The following SLC24A2 variants were observed in gnomAD, a reference collection of about 807,000 sequenced individuals.
SLC24A2 encodes sodium/potassium/calcium exchanger 2.
Under a neutral mutation model 62.0 loss-of-function variants are expected in SLC24A2, and 36 were observed. The ratio of observed to expected loss-of-function variants is 0.58; its 90% CI spans 0.44 to 0.77. SLC24A2 has a LOEUF of 0.77. Among genes scored for constraint, SLC24A2 ranks in the 30% least tolerant of loss-of-function variants. The pLI is 0.00. For missense variants in SLC24A2, 846 were observed against 817.9 expected, an observed-to-expected ratio of 1.03 and a Z score of -0.42; for synonymous variants, 358 against 294.0, an observed-to-expected ratio of 1.22 and a Z score of -2.23.
chr9:19,742,927 G>A (rs1469516030), intron 2 of SLC24A2, among the ~76,000 whole-genome samples: 3 of 152,160 alleles, frequency 2.0e-5, no homozygotes, highest in Non-Finnish European at 4.4e-5. Flanking sequence ...TTTGTTTGGA[G>A]GGAAACAATG....
chr9:19,558,825 G>A (rs1461258428), intron 7 of SLC24A2, among the ~76,000 whole-genome samples: 1 of 152,182 alleles, frequency 6.6e-6, no homozygotes, highest in African/African-American at 2.4e-5. Context: ...AAGGCGGCAT[G>A]TTTTATTTTT....
intron 2 of SLC24A2, among the ~76,000 whole-genome samples, chr9:19,767,147 T>C (rs1398527737): frequency 6.6e-6 from 1 of 152,118 alleles, no homozygotes; most frequent in African/African-American, 2.4e-5. Context: ...CCTCCCCCGA[T>C]CAAGCTCAAG....
At chr9:20,203,221 A>G in the SLC24A2 span, among the ~76,000 whole-genome samples, 1 of 151,914 alleles carries the variant, frequency 6.6e-6, no homozygotes, top group Non-Finnish European at 1.5e-5. Context: ...AATCTCCAGC[A>G]TTTCTGCTTG....
chr9:20,161,122 A>G, the SLC24A2 span, among the ~76,000 whole-genome samples: 12 of 151,552 alleles, frequency 7.9e-5, no homozygotes, highest in South Asian at 1.9e-3. Context: ...CTATACAATT[A>G]AATTTGAAAA....
At chr9:19,784,445 C>T (rs148831325) in intron 2 of SLC24A2, among the ~76,000 whole-genome samples, 1,650 of 152,328 alleles carry the variant, frequency 0.011, 50 homozygotes, top group Admixed American at 0.065. Flanking sequence ...CTCAAAGAGA[C>T]TTTTCAGCAT....
chr9:19,946,636 A>C, the SLC24A2 span, among the ~76,000 whole-genome samples: 1 of 152,224 alleles, frequency 6.6e-6, no homozygotes, highest in African/African-American at 2.4e-5. Flanking sequence ...ACCTGTGCTT[A>C]AGCACAGTGC....
the SLC24A2 span, among the ~76,000 whole-genome samples, chr9:20,301,187 C>T: frequency 3.3e-5 from 5 of 152,182 alleles, no homozygotes; most frequent in South Asian, 1.0e-3. Flanking sequence ...GGCTTCTCAG[C>T]CTTTGGCAGG....
chr9:20,168,071 G>A, the SLC24A2 span, among the ~76,000 whole-genome samples: 1 of 151,716 alleles, frequency 6.6e-6, no homozygotes, highest in South Asian at 2.1e-4. Flanking sequence ...CTCTCAAATG[G>A]TACAGAAAAA....
intron 2 of SLC24A2, among the ~76,000 whole-genome samples, chr9:19,700,444 T>C (rs1820323326): frequency 6.6e-6 from 1 of 152,218 alleles, no homozygotes; most frequent in African/African-American, 2.4e-5. Flanking sequence ...TTTGTTTTTT[T>C]GATATGTTAA....
At chr9:19,727,581 T>C (rs1468095261) in intron 2 of SLC24A2, among the ~76,000 whole-genome samples, 2 of 152,208 alleles carry the variant, frequency 1.3e-5, no homozygotes, top group African/African-American at 4.8e-5. Context: ...ATGACTAGCA[T>C]GTGGCAGACA....
At chr9:20,154,022 G>C in the SLC24A2 span, among the ~76,000 whole-genome samples, 10 of 151,782 alleles carry the variant, frequency 6.6e-5, no homozygotes, top group African/African-American at 2.2e-4. Flanking sequence ...CAGATTTCTT[G>C]GGAAAGTTCT....
chr9:19,724,030 G>C (rs1250201791), intron 2 of SLC24A2, among the ~76,000 whole-genome samples: 3 of 152,038 alleles, frequency 2.0e-5, no homozygotes, highest in African/African-American at 7.2e-5. Flanking sequence ...TCTGATTTGT[G>C]CTACACTCAT....
At chr9:20,019,300 A>AAAGAAAGG in the SLC24A2 span, among the ~76,000 whole-genome samples, 2 of 148,276 alleles carry the variant, frequency 1.3e-5, no homozygotes, top group Non-Finnish European at 1.5e-5. Context: ...AGAAAGAAAG[A>AAAGAAAGG]AAGAAAGAAA....
intron 7 of SLC24A2, among the ~76,000 whole-genome samples, chr9:19,568,954 C>A: frequency 6.6e-6 from 1 of 152,150 alleles, no homozygotes; most frequent in East Asian, 1.9e-4. Flanking sequence ...CTCCCCCTTT[C>A]TTTCCGTGTA....
At chr9:20,239,896 C>T in the SLC24A2 span, among the ~76,000 whole-genome samples, 17,288 of 145,618 alleles carry the variant, frequency 0.12, 1,150 homozygotes, top group Admixed American at 0.19. Context: ...TTTTTTGTCA[C>T]GGAGTTGATT....
At chr9:20,188,163 C>G in the SLC24A2 span, among the ~76,000 whole-genome samples, 14 of 152,216 alleles carry the variant, frequency 9.2e-5, no homozygotes, top group African/African-American at 1.4e-4. Flanking sequence ...CTGCTACAAA[C>G]AGTGTCCATG....
Position 19,680,942 on chromosome 9 carries a change from C to G in SLC24A2, c.931-58643G>C, listed in dbSNP as rs149285871. On this transcript the variant is annotated intron_variant, in intron 2 of 10. Transcript: ENST00000341998. ...GAGGCCTCTACTATTACCACCTGCC[C>G]GATAAGTGCAATAGCCTCTGGCTTA... Among the ~76,000 whole-genome samples the G allele has an allele frequency of 5.6e-3, 852 of 151,846 alleles. 6 individuals carry two copies. Among genetic ancestry groups the G allele is most frequent in the Middle Eastern group, 0.021 (6 of 292 alleles).
chr9:19,866,120 A>AT, the SLC24A2 span, among the ~76,000 whole-genome samples: 6 of 152,244 alleles, frequency 3.9e-5, no homozygotes, highest in African/African-American at 1.2e-4. Flanking sequence ...ATTAAACATC[A>AT]GAGAAATGAA....
At chr9:20,047,111 C>A in the SLC24A2 span, among the ~76,000 whole-genome samples, 2 of 152,066 alleles carry the variant, frequency 1.3e-5, no homozygotes, top group African/African-American at 2.4e-5. Context: ...CTCAGAACAG[C>A]ATCTGTCCAG....
Sources: allele counts gnomAD v4.1 joint callset (sites outside exome capture counted in the v4.1 genomes callset), GRCh38; gene constraint gnomAD v4.1.1; transcripts MANE v1.5; gene names NCBI Gene and HGNC (gene_info 2026-07-23, HGNC 2026-07-21).